TTLL7: variants seen among roughly 807,000 people sequenced by gnomAD.
TTLL7 encodes tubulin tyrosine ligase like 7.
In TTLL7, 53 loss-of-function variants were observed where a neutral mutation model predicts 120.2. That is an observed-to-expected ratio of 0.44 (90% CI 0.35 to 0.55). The LOEUF is 0.55. Ranked by LOEUF, TTLL7 falls within the 20% of genes least tolerant of loss-of-function variation. The pLI, the probability that TTLL7 is intolerant of heterozygous loss-of-function variation, is 0.00. For missense variants in TTLL7, 803 were observed against 1,054.7 expected (o/e 0.76, Z 3.31); for synonymous variants, 353 against 351.7 (o/e 1.00, Z -0.04).
intron 1 of TTLL7, among the ~76,000 whole-genome samples, chr1:83,959,455 CT>C (rs980718368): frequency 6.6e-6 from 1 of 152,082 alleles, no homozygotes; most frequent in Non-Finnish European, 1.5e-5. Flanking sequence ...AGGACTCTCA[CT>C]TTTTTTTCAT....
chr1:83,925,073 G>T (rs1436179125), intron 10 of TTLL7, among the ~76,000 whole-genome samples: 1 of 152,236 alleles, frequency 6.6e-6, no homozygotes, highest in South Asian at 2.1e-4. Flanking sequence ...ATCCCTCAGG[G>T]TTCTGTCGCT....
At position 83,923,971 on chromosome 1, in the gene TTLL7, AC is replaced by A. The variant is rs1244780796; in HGVS notation, c.1143-2578del. Reference sequence around the variant, plus strand: ...CTGTATACTCCAGGAATGTGGAACCACTAGAAGTTCTATGAGCTTGTTTTGC... The same window carrying A: ...CTGTATACTCCAGGAATGTGGAACCATAGAAGTTCTATGAGCTTGTTTTGC... On this transcript the variant is annotated intron_variant, in intron 10 of 20. Transcript: ENST00000260505. 3.3e-5 allele frequency among the ~76,000 whole-genome samples: 5 copies of A among 152,292 alleles called. No homozygotes were observed. The East Asian group carries it at 9.6e-4, about 29-fold the overall frequency.
intron 1 of TTLL7, among the ~76,000 whole-genome samples, chr1:83,958,670 A>G (rs1286055975): frequency 1.3e-5 from 2 of 152,210 alleles, no homozygotes; most frequent in Non-Finnish European, 2.9e-5. Context: ...ATATGAAATC[A>G]TGCTTTTTCT....
Position 83,867,646 on chromosome 1 carries a change from A to T in TTLL7, c.*2316T>A, listed in dbSNP as rs1653005510. On this transcript the variant is annotated 3_prime_UTR_variant, in exon 21 of 21. Transcript: ENST00000260505. ...CTGGTACAAAAGTTGCAAAGCACAC[A>T]CTCCAGCAAATTAAGTAATTATTTG... 6.6e-6 allele frequency: 1 copy of T among 151,934 alleles called. No individual in the cohort carries two copies. The highest frequency in any genetic ancestry group is 1.5e-5 in the Non-Finnish European group (1 of 67,916). 9.4% of individuals were successfully genotyped at this position (151,934 alleles called of 1,614,324 possible).
At chr1:83,959,583 C>T (rs570177213) in intron 1 of TTLL7, among the ~76,000 whole-genome samples, 2 of 152,188 alleles carry the variant, frequency 1.3e-5, no homozygotes, top group African/African-American at 2.4e-5. Flanking sequence ...GTTTACCCCC[C>T]TTGTTTGACC....
intron 10 of TTLL7, among the ~76,000 whole-genome samples, chr1:83,924,659 C>T (rs1158371399): frequency 2.0e-5 from 3 of 152,076 alleles, no homozygotes; most frequent in Non-Finnish European, 4.4e-5. Context: ...GATAGTTGCA[C>T]AACAATGTGA....
chr1:83,899,331 A>G (rs987799950), intron 18 of TTLL7, among the ~76,000 whole-genome samples: 4 of 151,938 alleles, frequency 2.6e-5, no homozygotes, highest in Admixed American at 1.3e-4. Context: ...AGGAGCCCCA[A>G]TAATCATGAG....
At chr1:83,924,234 G>T (rs867940917) in intron 10 of TTLL7, among the ~76,000 whole-genome samples, 5 of 152,150 alleles carry the variant, frequency 3.3e-5, no homozygotes, top group Non-Finnish European at 7.4e-5. Flanking sequence ...TTTGAAATGT[G>T]GGGGGAAGTA....
intron 18 of TTLL7, among the ~76,000 whole-genome samples, chr1:83,892,655 T>C (rs1655747193): frequency 8.9e-6 from 1 of 112,258 alleles, no homozygotes; most frequent in South Asian, 2.7e-4. Context: ...TATGAACATA[T>C]GAATGAACAT....
At chr1:83,994,338 C>T (rs1299878659) in intron 1 of TTLL7, among the ~76,000 whole-genome samples, 1 of 152,182 alleles carries the variant, frequency 6.6e-6, no homozygotes, top group African/African-American at 2.4e-5. Flanking sequence ...GGCCTGCCTA[C>T]CTCAATGGAT....
chr1:83,896,336 G>C (rs762185676), intron 18 of TTLL7, among the ~76,000 whole-genome samples: 1 of 152,068 alleles, frequency 6.6e-6, no homozygotes, highest in East Asian at 1.9e-4. Context: ...AAAATGAAAA[G>C]ATTTGTCTTT....
chr1:83,987,127 A>G (rs1490946176), intron 1 of TTLL7, among the ~76,000 whole-genome samples: 4 of 152,170 alleles, frequency 2.6e-5, no homozygotes, highest in Non-Finnish European at 5.9e-5. Context: ...TTTTCCAAAG[A>G]AAATTTAAAA....
At chr1:83,937,754 C>G in intron 8 of TTLL7, 98 bp downstream of exon 8, 1 of 1,414,954 alleles carries the variant, frequency 7.1e-7, no homozygotes, top group Non-Finnish European at 9.8e-7. Flanking sequence ...TATAGGGAAC[C>G]AAGTTCAATC....
chr1:83,957,255 A>G (rs1339426438), intron 1 of TTLL7, among the ~76,000 whole-genome samples: 1 of 152,190 alleles, frequency 6.6e-6, no homozygotes, highest in Non-Finnish European at 1.5e-5. Context: ...AAGGAAACAC[A>G]AAGAAAACTC....
At position 83,869,104 on chromosome 1, in the gene TTLL7, T is replaced by A. The variant is rs1425832963; in HGVS notation, c.*858A>T. The A allele has an allele frequency of 1.3e-5, 2 of 152,002 alleles. No homozygotes were observed. The highest frequency in any genetic ancestry group is 4.8e-5 in the African/African-American group (2 of 41,388). The allele number at this position is 152,002 out of a possible 1,614,324, so 9.4% of individuals were successfully genotyped here. On this transcript the variant is annotated 3_prime_UTR_variant, in exon 21 of 21. Transcript: ENST00000260505. ...GATTCTCCTGTCTCAGCCGCCCAAGTAGCTGGGATTACAAGCACTTACCAT... is the reference window on the plus strand; with the variant it reads ...GATTCTCCTGTCTCAGCCGCCCAAGAAGCTGGGATTACAAGCACTTACCAT...
At chr1:83,903,611 ATT>A (rs1656924221) in intron 18 of TTLL7, among the ~76,000 whole-genome samples, 1 of 152,066 alleles carries the variant, frequency 6.6e-6, no homozygotes. Flanking sequence ...ATTACTTATA[ATT>A]ACTTATAATA....
chr1:83,908,623 C>G (rs1051089166), intron 15 of TTLL7, among the ~76,000 whole-genome samples: 29 of 152,060 alleles, frequency 1.9e-4, no homozygotes, highest in African/African-American at 7.0e-4. Flanking sequence ...AATTTTGACT[C>G]CTGACACAGG....
intron 1 of TTLL7, among the ~76,000 whole-genome samples, chr1:83,978,008 G>C (rs1212413497): frequency 6.6e-6 from 1 of 151,862 alleles, no homozygotes; most frequent in Non-Finnish European, 1.5e-5. Flanking sequence ...CCTCATTTTA[G>C]TCCATTAGGT....
At chr1:83,980,909 G>A (rs1651893560) in intron 1 of TTLL7, 1 of 152,052 alleles carries the variant, frequency 6.6e-6, no homozygotes, top group South Asian at 2.1e-4. Context: ...GTTGAAAAAT[G>A]TAAAAAAGTA....
Sources: allele counts gnomAD v4.1 joint callset (sites outside exome capture counted in the v4.1 genomes callset), GRCh38; gene constraint gnomAD v4.1.1; transcripts MANE v1.5; gene names NCBI Gene and HGNC (gene_info 2026-07-23, HGNC 2026-07-21).